Variants in GSK3B observed in about 807,000 individuals in gnomAD.
The protein encoded by GSK3B is glycogen synthase kinase-3 beta.
Under a neutral mutation model 56.4 loss-of-function variants are expected in GSK3B, and 15 were observed. The ratio of observed to expected loss-of-function variants is 0.27; its 90% CI spans 0.18 to 0.41. The LOEUF (loss-of-function observed/expected upper bound fraction) is 0.41, where lower values mean the gene tolerates loss of function less well. Among genes scored for constraint, GSK3B ranks in the 10% least tolerant of loss-of-function variants. The pLI, the probability that GSK3B is intolerant of heterozygous loss-of-function variation, is 1.00. For synonymous variants in GSK3B, 181 were observed against 188.9 expected, an observed-to-expected ratio of 0.96 and a Z score of 0.34; for missense variants, 300 against 513.4, an observed-to-expected ratio of 0.58 and a Z score of 4.02.
intron 2 of GSK3B, among the ~76,000 whole-genome samples, chr3:119,967,823 T>C: frequency 2.3e-5 from 2 of 88,274 alleles, no homozygotes; most frequent in African/African-American, 9.6e-5. Context: ...CCTCCCTTTC[T>C]CTCTTTCTCT....
At chr3:119,980,378 G>A (rs1303453322) in intron 2 of GSK3B, among the ~76,000 whole-genome samples, 1 of 151,878 alleles carries the variant, frequency 6.6e-6, no homozygotes, top group African/African-American at 2.4e-5. Context: ...TTAAGACAGA[G>A]TTTCGCTCTT....
intron 2 of GSK3B, among the ~76,000 whole-genome samples, chr3:119,969,549 T>C (rs971537062): frequency 6.6e-6 from 1 of 152,172 alleles, no homozygotes; most frequent in Non-Finnish European, 1.5e-5. Flanking sequence ...ATCACAGTAT[T>C]GAACAACAGT....
intron 5 of GSK3B, among the ~76,000 whole-genome samples, chr3:119,914,255 T>C (rs2056761533): frequency 6.6e-6 from 1 of 152,074 alleles, no homozygotes; most frequent in Non-Finnish European, 1.5e-5. Context: ...ATTACCAATC[T>C]GATAATGTAC....
chr3:119,933,146 C>CA (rs1489030144), intron 3 of GSK3B, among the ~76,000 whole-genome samples: 1 of 151,886 alleles, frequency 6.6e-6, no homozygotes, highest in Non-Finnish European at 1.5e-5. Context: ...TAAAAATGGC[C>CA]AACAAAACTG....
intron 2 of GSK3B, among the ~76,000 whole-genome samples, chr3:119,962,210 T>C (rs1353596741): frequency 1.3e-5 from 2 of 151,964 alleles, no homozygotes; most frequent in Non-Finnish European, 2.9e-5. Context: ...ACCCTGTCTC[T>C]AGTAAAAATA....
intron 2 of GSK3B, 24 bp from the exon 3 acceptor site, chr3:119,947,375 A>T (rs1315069874): frequency 7.2e-7 from 1 of 1,391,308 alleles, no homozygotes; most frequent in East Asian, 2.3e-5. Flanking sequence ...ACATAAAAAT[A>T]TATTTTTAAA....
intron 9 of GSK3B, among the ~76,000 whole-genome samples, chr3:119,847,458 C>T (rs953021973): frequency 4.6e-5 from 7 of 151,842 alleles, no homozygotes; most frequent in African/African-American, 1.2e-4. Context: ...TCAGCCTGGG[C>T]GACAAGAGCG....
intron 10 of GSK3B, among the ~76,000 whole-genome samples, chr3:119,840,629 G>T (rs1240779637): frequency 6.6e-6 from 1 of 152,214 alleles, no homozygotes; most frequent in Non-Finnish European, 1.5e-5. Flanking sequence ...GGAAGGCCAA[G>T]CAATCAATCA....
intron 9 of GSK3B, among the ~76,000 whole-genome samples, chr3:119,859,387 T>G (rs1290938853): frequency 6.6e-6 from 1 of 152,196 alleles, no homozygotes. Context: ...CTATTGTTAT[T>G]TTATAACAGG....
At chr3:119,969,995 TAGC>T (rs1165254108) in intron 2 of GSK3B, among the ~76,000 whole-genome samples, 1 of 152,192 alleles carries the variant, frequency 6.6e-6, no homozygotes, top group Non-Finnish European at 1.5e-5. Flanking sequence ...ATTCATCACA[TAGC>T]AGCCCTCTCA....
At chr3:120,013,900 T>C (rs1212101107) in intron 1 of GSK3B, among the ~76,000 whole-genome samples, 1 of 150,484 alleles carries the variant, frequency 6.6e-6, no homozygotes. Context: ...CCGGGCGCAG[T>C]GGCTCAAGCC....
At chr3:119,952,086 G>A (rs1288826923) in intron 2 of GSK3B, among the ~76,000 whole-genome samples, 1 of 152,120 alleles carries the variant, frequency 6.6e-6, no homozygotes, top group Non-Finnish European at 1.5e-5. Flanking sequence ...ATCAACATAT[G>A]TGTAAAAGCA....
intron 1 of GSK3B, among the ~76,000 whole-genome samples, chr3:120,024,096 A>C (rs961381265): frequency 6.6e-6 from 1 of 152,208 alleles, no homozygotes; most frequent in African/African-American, 2.4e-5. Context: ...TGGGAGGCCA[A>C]GTGAGAGGAC....
At chr3:119,905,890 A>G in intron 6 of GSK3B, 38 bp from the exon 7 acceptor site, 1 of 1,114,738 alleles carries the variant, frequency 9.0e-7, no homozygotes, top group Admixed American at 1.7e-5. Flanking sequence ...TTAATACTTC[A>G]TAGCTTGAGC....
At chr3:119,943,442 CATAA>C (rs2057069521) in intron 3 of GSK3B, among the ~76,000 whole-genome samples, 1 of 152,060 alleles carries the variant, frequency 6.6e-6, no homozygotes, top group South Asian at 2.1e-4. Flanking sequence ...TTTATGAGAT[CATAA>C]ATAATTATGC....
intron 10 of GSK3B, among the ~76,000 whole-genome samples, chr3:119,829,017 A>C (rs1403344857): frequency 2.0e-5 from 3 of 152,186 alleles, no homozygotes; most frequent in Non-Finnish European, 4.4e-5. Context: ...TATGACACAG[A>C]ACCTACTCTC....
At chr3:119,968,434 T>C (rs1422853677) in intron 2 of GSK3B, among the ~76,000 whole-genome samples, 4 of 152,210 alleles carry the variant, frequency 2.6e-5, no homozygotes, top group Admixed American at 6.5e-5. Context: ...TCCAACAATG[T>C]ATAAAAATAC....
At chr3:119,962,142 G>A (rs759787864) in intron 2 of GSK3B, among the ~76,000 whole-genome samples, 3 of 152,294 alleles carry the variant, frequency 2.0e-5, no homozygotes, top group Non-Finnish European at 2.9e-5. Context: ...TTGGGAGGCT[G>A]AGGCAGGTGG....
At chr3:119,829,470 G>C (rs1312235020) in intron 10 of GSK3B, among the ~76,000 whole-genome samples, 1 of 152,196 alleles carries the variant, frequency 6.6e-6, no homozygotes. Context: ...TTATCTATCT[G>C]TTTGACCACT....
Sources: allele counts gnomAD v4.1 joint callset (sites outside exome capture counted in the v4.1 genomes callset), GRCh38; gene constraint gnomAD v4.1.1; transcripts MANE v1.5; gene names NCBI Gene and HGNC (gene_info 2026-07-23, HGNC 2026-07-21).